ARL17B: variants seen among roughly 807,000 people sequenced by gnomAD.
ARL17B encodes the protein ADP-ribosylation factor-like protein 17.
chr17:46,298,747 G>T (rs2050247813), downstream of ARL17B, among the ~76,000 whole-genome samples: 5 of 90,526 alleles, frequency 5.5e-5, no homozygotes, highest in African/African-American at 1.2e-4. Flanking sequence ...AAAAAAAAAT[G>T]ATAGGAGGGA....
intron 4 of ARL17B, among the ~76,000 whole-genome samples, chr17:46,276,933 AG>A (rs1444801688): frequency 6.6e-6 from 1 of 152,032 alleles, no homozygotes; most frequent in African/African-American, 2.4e-5. Context: ...CCTCCTGGGT[AG>A]CTGGGACTAC....
At chr17:46,275,153 A>G (rs1301734173) in exon 5 of ARL17B, 3 of 263,512 alleles carry the variant, frequency 1.1e-5, no homozygotes, top group South Asian at 5.5e-5. Flanking sequence ...TGGCCTCCCA[A>G]AGTGCTGGGA....
Position 46,282,020 on chromosome 17 carries a change from A to G in ARL17B, c.*22-6602T>C, listed in dbSNP as rs1199238504. 2.0e-5 allele frequency among the ~76,000 whole-genome samples: 3 copies of G among 151,852 alleles called. No individual in the cohort carries two copies. In the East Asian group the frequency reaches 5.8e-4, roughly 29 times the overall value. Reference sequence around the variant, plus strand: ...ACTTTTCTTGCTTCCTTGCCTATATATATATTCATTTATTTTTTAATTCCT... The same window carrying G: ...ACTTTTCTTGCTTCCTTGCCTATATGTATATTCATTTATTTTTTAATTCCT... On this transcript the variant is annotated intron_variant, in intron 4 of 4. Coordinates refer to the ARL17B transcript ENST00000570618.
intron 3 of ARL17B, among the ~76,000 whole-genome samples, chr17:46,324,039 C>T (rs80046227): frequency 8.7e-6 from 1 of 115,098 alleles, no homozygotes; most frequent in Non-Finnish European, 2.0e-5. Context: ...CTGCAGACAC[C>T]GAGGGACAAC....
At chr17:46,287,255 G>T (rs190482963) in intron 4 of ARL17B, among the ~76,000 whole-genome samples, 121 of 152,332 alleles carry the variant, frequency 7.9e-4, no homozygotes, top group African/African-American at 2.8e-3. Flanking sequence ...CACACTGATG[G>T]TAATGTCTTC....
chr17:46,276,090 C>T (rs1399948537), intron 4 of ARL17B, among the ~76,000 whole-genome samples: 1 of 152,190 alleles, frequency 6.6e-6, no homozygotes, highest in African/African-American at 2.4e-5. Context: ...GAGGTTTCAC[C>T]ATGTTGGCCA....
intron 4 of ARL17B, among the ~76,000 whole-genome samples, chr17:46,290,745 C>G (rs897288296): frequency 6.6e-6 from 1 of 152,236 alleles, no homozygotes; most frequent in African/African-American, 2.4e-5. Flanking sequence ...TTGCGCCCAG[C>G]CTCTGAAGCT....
intron 4 of ARL17B, chr17:46,293,879 C>A (rs1261500456): frequency 4.1e-6 from 1 of 244,214 alleles, no homozygotes; most frequent in African/African-American, 2.2e-5. Flanking sequence ...GGACTCTCTT[C>A]CATTTTATTT....
chr17:46,277,580 T>TC (rs1416608583), intron 4 of ARL17B, among the ~76,000 whole-genome samples: 5 of 152,172 alleles, frequency 3.3e-5, no homozygotes, highest in Non-Finnish European at 5.9e-5. Context: ...AAATCCAGGC[T>TC]CCCTATGATC....
At chr17:46,283,641 T>G (rs2732623) in intron 4 of ARL17B, among the ~76,000 whole-genome samples, 20,268 of 151,934 alleles carry the variant, frequency 0.13, 456 homozygotes, top group Non-Finnish European at 0.2. Flanking sequence ...CCTCCACACC[T>G]GTGGGTGTTT....
At chr17:46,274,365 T>G (rs2469940), downstream of ARL17B, among the ~76,000 whole-genome samples, 18,482 of 152,282 alleles carry the variant, frequency 0.12, no homozygotes, top group Non-Finnish European at 0.18. Flanking sequence ...TATATTCAAG[T>G]CACCAGAGTC....
chr17:46,287,171 TG>T (rs1349759436), intron 4 of ARL17B, among the ~76,000 whole-genome samples: 1 of 152,252 alleles, frequency 6.6e-6, no homozygotes, highest in African/African-American at 2.4e-5. Flanking sequence ...GTCACTCACA[TG>T]GGTTTCAACA....
intron 4 of ARL17B, among the ~76,000 whole-genome samples, chr17:46,278,551 T>C (rs184643877): frequency 3.4e-5 from 5 of 148,878 alleles, no homozygotes; most frequent in African/African-American, 1.0e-4. Flanking sequence ...TTACAGGCGC[T>C]CACCACTGCG....
At position 46,324,868 on chromosome 17, in the gene ARL17B, G is replaced by A. The variant is rs537032039; in HGVS notation, c.260-25203C>T. ...TATATATATATTTATATATATGTAC[G>A]TGTATATATGTATATGTATGCCTGC... is the stretch of plus-strand genomic sequence containing the variant. On this transcript the variant is annotated intron_variant, in intron 3 of 4. Transcript: ENST00000434041. Among the ~76,000 whole-genome samples the A allele has an allele frequency of 6.6e-5, 5 of 75,338 alleles. 2 individuals carry two copies. In the East Asian group the frequency reaches 1.3e-3, roughly 19 times the overall value. 49.4% of individuals were successfully genotyped at this position (75,338 alleles called of 152,430 possible).
intron 3 of ARL17B, among the ~76,000 whole-genome samples, chr17:46,321,362 A>AAG (rs2051361212): frequency 2.9e-5 from 2 of 67,834 alleles, no homozygotes; most frequent in African/African-American, 9.6e-5. Flanking sequence ...TCTCAGAAAA[A>AAG]AAAAAAAAAA....
At chr17:46,284,794 C>G (rs2143396770) in intron 4 of ARL17B, among the ~76,000 whole-genome samples, 1 of 152,300 alleles carries the variant, frequency 6.6e-6, no homozygotes, top group East Asian at 1.9e-4. Context: ...ACTACGATTC[C>G]CTTTTTAGTT....
At chr17:46,285,671 T>C (rs2049889328) in intron 4 of ARL17B, among the ~76,000 whole-genome samples, 1 of 152,142 alleles carries the variant, frequency 6.6e-6, no homozygotes, top group African/African-American at 2.4e-5. Context: ...ATTATCTGAG[T>C]GTTAGATAAG....
intron 4 of ARL17B, among the ~76,000 whole-genome samples, chr17:46,277,637 T>TCTTCCTTCC (rs1555610946): frequency 0.099 from 14,571 of 147,258 alleles, 2 homozygotes; most frequent in Middle Eastern, 0.16. Flanking sequence ...TTTTCTTTTC[T>TCTTCCTTCC]TTTCTTTCTT....
chr17:46,284,468 C>T (rs1324019141), intron 4 of ARL17B, among the ~76,000 whole-genome samples: 1 of 152,254 alleles, frequency 6.6e-6, no homozygotes, highest in African/African-American at 2.4e-5. Flanking sequence ...TATAAATTAA[C>T]AGCATCTCAA....
Sources: gnomAD v4.1 joint callset for allele counts (sites outside exome capture counted in the v4.1 genomes callset) on GRCh38, gnomAD v4.1.1 for gene constraint, MANE v1.5 for transcripts, NCBI Gene and HGNC (gene_info 2026-07-23, HGNC 2026-07-21) for gene names.